The following SLC4A4 variants were observed in gnomAD, a reference collection of about 807,000 sequenced individuals.
SLC4A4 encodes the protein solute carrier family 4 member 4, also known as electrogenic sodium bicarbonate cotransporter 1.
A neutral mutation model predicts 111.5 loss-of-function variants in SLC4A4; 27 were observed. That is an observed-to-expected ratio of 0.24 (90% CI 0.18 to 0.33). The LOEUF (loss-of-function observed/expected upper bound fraction) is 0.33, where lower values mean the gene tolerates loss of function less well. SLC4A4 is among the 10% of genes least tolerant of loss of function. The probability of loss-of-function intolerance (pLI) is 1.00; values close to 1 mark genes in which losing one functional copy is unlikely to be tolerated. For synonymous variants in SLC4A4, 443 were observed against 463.4 expected (o/e 0.96, Z 0.57); for missense variants, 909 against 1,315.5 (o/e 0.69, Z 4.78).
chr4:71,267,360 G>T (rs969004259), intron 3 of SLC4A4, among the ~76,000 whole-genome samples: 10 of 152,054 alleles, frequency 6.6e-5, no homozygotes, highest in Non-Finnish European at 1.2e-4. Context: ...AAATTTTGGT[G>T]AAGGCTGTAA....
At chr4:71,328,936 G>A (rs552510936) in intron 3 of SLC4A4, among the ~76,000 whole-genome samples, 11 of 152,118 alleles carry the variant, frequency 7.2e-5, no homozygotes, top group African/African-American at 2.6e-4. Context: ...TCTTGTAGTA[G>A]CTTCATAGTT....
Position 71,420,125 on chromosome 4 carries a change from A to T in SLC4A4, c.808-20491A>T, listed in dbSNP as rs1050893616. Among the ~76,000 whole-genome samples the T allele has an allele frequency of 3.9e-5, 6 of 152,332 alleles. 1 individual carries two copies. Among genetic ancestry groups the T allele is most frequent in the African/African-American group, 1.4e-4 (6 of 41,576 alleles). ...CGAATGTATAACTAGAATAACCAAT[A>T]CAGAGAAGTACTTAAAGGAGCTGAT... On this transcript the variant is annotated intron_variant, in intron 7 of 25. Coordinates refer to ENST00000264485, the MANE Select transcript of SLC4A4 (RefSeq NM_001098484.3).
In SLC4A4 at chr4:71,236,623, A is replaced by G; in HGVS notation, c.47A>G (p.His16Arg). 4 of 1,613,906 alleles carry G rather than the reference A, an allele frequency of 2.5e-6. No homozygotes were observed. In the South Asian group the frequency reaches 4.4e-5, roughly 18 times the overall value. ...VLDRGASFLKHVCDEEEVEGH... is the reference protein window; with the variant it reads ...VLDRGASFLKRVCDEEEVEGH... ...GACAGAGGGGCTTCCTTCCTCAAGC[A>G]TGTGTGTGATGAAGAAGAAGTAGAA... The change falls in exon 2 of 26, where the codon CAT (histidine) becomes CGT (arginine). Residue 16 changes from histidine (H) to arginine (R), a missense_variant. Physicochemically the swap from His to Arg is conservative, Grantham distance 29. Coordinates refer to ENST00000264485, the MANE Select transcript of SLC4A4 (RefSeq NM_001098484.3).
intron 3 of SLC4A4, among the ~76,000 whole-genome samples, chr4:71,310,914 G>A (rs1399880570): frequency 6.6e-6 from 1 of 152,206 alleles, no homozygotes. Flanking sequence ...ACCCATTGGT[G>A]TGCTATATTC....
intron 7 of SLC4A4, among the ~76,000 whole-genome samples, chr4:71,426,454 C>G (rs1209561040): frequency 1.3e-5 from 2 of 152,064 alleles, no homozygotes; most frequent in African/African-American, 2.4e-5. Context: ...GGGGATGCTG[C>G]TCAAAGGTGT....
intron 2 of SLC4A4, among the ~76,000 whole-genome samples, chr4:71,125,768 A>G (rs1029434159): frequency 1.3e-5 from 2 of 152,220 alleles, no homozygotes; most frequent in African/African-American, 4.8e-5. Flanking sequence ...GGACAGATTC[A>G]GGTTCTGTGG....
rs35532949 is a variant in SLC4A4, at chr4:71,114,239, C to T, written c.-2+21447C>T. Among the ~76,000 whole-genome samples the T allele has an allele frequency of 8.5e-3, 1,295 of 152,184 alleles. 11 individuals carry two copies. The highest frequency in any genetic ancestry group is 0.024 in the Middle Eastern group (7 of 292). On this transcript the variant is annotated intron_variant, in intron 2 of 26. Coordinates refer to the SLC4A4 transcript ENST00000649996. ...CCAGCCTGGGTGACAGAGCGAGACTCGCTCTCAAAAAACAAACAAACAAAC... is the reference window on the plus strand; with the variant it reads ...CCAGCCTGGGTGACAGAGCGAGACTTGCTCTCAAAAAACAAACAAACAAAC...
intron 2 of SLC4A4, among the ~76,000 whole-genome samples, chr4:71,140,595 C>G (rs955730785): frequency 6.6e-6 from 1 of 152,116 alleles, no homozygotes; most frequent in Non-Finnish European, 1.5e-5. Flanking sequence ...CTGCTCTGCC[C>G]CAACCCCACT....
At chr4:71,477,726 A>C (rs148006535) in intron 14 of SLC4A4, among the ~76,000 whole-genome samples, 1 of 151,810 alleles carries the variant, frequency 6.6e-6, no homozygotes, top group African/African-American at 2.4e-5. Flanking sequence ...GGAAAAGAAC[A>C]TGGGCATCCC....
chr4:71,158,891 G>A (rs189449891), intron 2 of SLC4A4, among the ~76,000 whole-genome samples: 1 of 152,282 alleles, frequency 6.6e-6, no homozygotes, highest in Non-Finnish European at 1.5e-5. Flanking sequence ...GGAGAAGAGA[G>A]TGCTGAAGTG....
At chr4:71,131,004 T>C (rs930601254) in intron 2 of SLC4A4, among the ~76,000 whole-genome samples, 4 of 152,172 alleles carry the variant, frequency 2.6e-5, no homozygotes, top group Non-Finnish European at 5.9e-5. Flanking sequence ...GTAATCCCCA[T>C]GATGAATATC....
intron 3 of SLC4A4, among the ~76,000 whole-genome samples, chr4:71,296,613 T>C (rs1460580745): frequency 6.6e-6 from 1 of 152,208 alleles, no homozygotes; most frequent in Non-Finnish European, 1.5e-5. Context: ...TTTGGAGAGA[T>C]GGAAATATGA....
chr4:71,097,798 A>T (rs1742602026), intron 2 of SLC4A4, among the ~76,000 whole-genome samples: 1 of 152,140 alleles, frequency 6.6e-6, no homozygotes, highest in South Asian at 2.1e-4. Context: ...TTTTTTTCAT[A>T]GGATTGTTGG....
intron 6 of SLC4A4, among the ~76,000 whole-genome samples, chr4:71,364,900 C>G (rs1731110140): frequency 1.3e-5 from 2 of 152,136 alleles, no homozygotes; most frequent in African/African-American, 4.8e-5. Context: ...TTGCCTACTA[C>G]TTCATTTATA....
intron 2 of SLC4A4, among the ~76,000 whole-genome samples, chr4:71,094,018 TA>T (rs33919955): frequency 0.094 from 13,953 of 148,652 alleles, 792 homozygotes; most frequent in African/African-American, 0.16. Flanking sequence ...GCCAGACTGT[TA>T]AAAAAAAAAG....
At chr4:71,550,562 A>C (rs1436722543) in intron 20 of SLC4A4, among the ~76,000 whole-genome samples, 1 of 151,842 alleles carries the variant, frequency 6.6e-6, no homozygotes, top group Non-Finnish European at 1.5e-5. Context: ...CTTTGTGACT[A>C]TGTGTTTTTT....
chr4:71,301,872 A>G (rs1043298220), intron 3 of SLC4A4, among the ~76,000 whole-genome samples: 3 of 152,178 alleles, frequency 2.0e-5, no homozygotes, highest in African/African-American at 7.2e-5. Context: ...GGTTCTCGAG[A>G]AATGCCAGGT....
intron 1 of SLC4A4, among the ~76,000 whole-genome samples, chr4:71,190,426 ACACAGACACAACT>A (rs1345267940): frequency 6.8e-6 from 1 of 146,124 alleles, no homozygotes; most frequent in East Asian, 2.0e-4. Flanking sequence ...ACACACACAC[ACACAGACACAACT>A]CATTTGTAGA....
intron 16 of SLC4A4, among the ~76,000 whole-genome samples, chr4:71,511,094 A>G (rs1731873318): frequency 6.6e-6 from 1 of 152,174 alleles, no homozygotes; most frequent in South Asian, 2.1e-4. Flanking sequence ...TATAGCAATT[A>G]TCATTTTAAA....
Sources: allele counts gnomAD v4.1 joint callset (sites outside exome capture counted in the v4.1 genomes callset), GRCh38; gene constraint gnomAD v4.1.1; transcripts MANE v1.5; gene names NCBI Gene and HGNC (gene_info 2026-07-23, HGNC 2026-07-21).